The following ZBTB20 variants were observed in gnomAD, a reference collection of about 807,000 sequenced individuals.
ZBTB20 encodes the protein zinc finger and BTB domain-containing protein 20.
Under a neutral mutation model 56.9 loss-of-function variants are expected in ZBTB20, and 9 were observed. That is an observed-to-expected ratio of 0.16 (90% CI 0.10 to 0.28). ZBTB20 has a LOEUF of 0.28. Ranked by LOEUF, ZBTB20 falls within the 10% of genes least tolerant of loss-of-function variation. ZBTB20 has a pLI of 1.00. For missense variants in ZBTB20, 655 were observed against 1,003.0 expected, an observed-to-expected ratio of 0.65 and a Z score of 4.69; for synonymous variants, 417 against 420.7, an observed-to-expected ratio of 0.99 and a Z score of 0.11.
At chr3:115,129,250 T>C (rs1445692317) in intron 1 of ZBTB20, among the ~76,000 whole-genome samples, 2 of 152,086 alleles carry the variant, frequency 1.3e-5, no homozygotes, top group Non-Finnish European at 2.9e-5. Context: ...GAAAGAAAAT[T>C]TTAAAATGGA....
chr3:114,978,667 GGT>G (rs3086036), intron 2 of ZBTB20, among the ~76,000 whole-genome samples: 38 of 149,522 alleles, frequency 2.5e-4, no homozygotes, highest in African/African-American at 6.1e-4. Flanking sequence ...GTATGTACCA[GGT>G]GTGTGTGTGT....
rs997053411 is a variant in ZBTB20, at chr3:115,014,576, T to G, written c.-506-40160A>C. Among the ~76,000 whole-genome samples, 4 of 150,698 alleles carry G rather than the reference T, an allele frequency of 2.7e-5. 1 individual carries two copies. The Admixed American group carries it at 2.7e-4, about 10-fold the overall frequency. ...ACTAAGTATCCACAAAAATTAAAAA[T>G]AAAAATAATAAATAAATATTTTTAT... On this transcript the variant is annotated intron_variant, in intron 2 of 11. Coordinates refer to ENST00000675478, the MANE Select transcript of ZBTB20 (RefSeq NM_001348800.3).
intron 7 of ZBTB20, among the ~76,000 whole-genome samples, chr3:114,489,345 A>G (rs890941963): frequency 6.6e-6 from 1 of 152,192 alleles, no homozygotes; most frequent in African/African-American, 2.4e-5. Flanking sequence ...TTTGAGATGT[A>G]CATCATAGTT....
intron 10 of ZBTB20, among the ~76,000 whole-genome samples, chr3:114,362,134 T>G (rs1198431004): frequency 1.3e-5 from 2 of 152,166 alleles, no homozygotes; most frequent in African/African-American, 4.8e-5. Flanking sequence ...TTTAGAAAAA[T>G]ACGGGAATTT....
chr3:114,330,528 GA>G lies in ZBTB20; in HGVS notation c.*8476del, dbSNP rs1384945144. 1 of 152,008 alleles carries G rather than the reference GA, an allele frequency of 6.6e-6. No individual in the cohort carries two copies. The highest frequency in any genetic ancestry group is 1.9e-4 in the East Asian group (1 of 5,194). The allele number at this position is 152,008 out of a possible 1,614,324, so 9.4% of individuals were successfully genotyped here. A position where few individuals can be genotyped will look rare whatever the true frequency, so the allele number is the denominator to read the frequency against. ...AAGTCACTAGTACTGTTAATTAAAG[GA>G]AAAAATAAAACCGAAACAACTAATT... is the stretch of plus-strand genomic sequence containing the variant. On this transcript the variant is annotated 3_prime_UTR_variant, in exon 12 of 12. Coordinates refer to ENST00000675478, the MANE Select transcript of ZBTB20 (RefSeq NM_001348800.3).
chr3:114,794,000 C>T (rs2108816357), intron 5 of ZBTB20, among the ~76,000 whole-genome samples: 3 of 151,940 alleles, frequency 2.0e-5, no homozygotes, highest in Middle Eastern at 6.8e-3. Context: ...ACCTCTGTGA[C>T]CACACTAGCT....
chr3:114,696,286 T>G (rs1247503570), intron 5 of ZBTB20, among the ~76,000 whole-genome samples: 1 of 152,090 alleles, frequency 6.6e-6, no homozygotes, highest in Non-Finnish European at 1.5e-5. Context: ...TCTTATGGCT[T>G]TAATATCCAG....
At position 114,335,307 on chromosome 3, in the gene ZBTB20, C is replaced by T. The variant is rs1160716926; in HGVS notation, c.*3698G>A. On this transcript the variant is annotated 3_prime_UTR_variant, in exon 12 of 12. Transcript: ENST00000675478. The stretch of plus-strand genomic sequence containing the variant: ...GGCTACTAGAAAGAAATTTTTTTAG[C>T]ACTCATATCACCCTACCATGAAGGT... The T allele has an allele frequency of 6.6e-6, 1 of 152,040 alleles. No individual in the cohort carries two copies. Among genetic ancestry groups the T allele is most frequent in the African/African-American group, 2.4e-5 (1 of 41,400 alleles). 9.4% of individuals were successfully genotyped at this position (152,040 alleles called of 1,614,324 possible).
chr3:114,603,202 G>T (rs1008483930), intron 6 of ZBTB20, among the ~76,000 whole-genome samples: 1 of 151,856 alleles, frequency 6.6e-6, no homozygotes, highest in Admixed American at 6.6e-5. Context: ...AACTTAAAGG[G>T]GTGAACATGG....
chr3:114,646,606 C>G (rs1293233516), intron 6 of ZBTB20, among the ~76,000 whole-genome samples: 1 of 152,200 alleles, frequency 6.6e-6, no homozygotes, highest in Non-Finnish European at 1.5e-5. Flanking sequence ...GACTTTTCTA[C>G]TGTAAATGTA....
rs1286708058 is a variant in ZBTB20 at position 114,350,639 on chromosome 3, G to T, written c.1439C>A (p.Thr480Lys). The change falls in exon 11 of 12, where the codon ACA becomes AAA. Residue 480 changes from threonine (T) to lysine (K), a missense_variant. Thr to Lys is a moderately conservative substitution (Grantham distance 78). Coordinates refer to ENST00000675478, the MANE Select transcript of ZBTB20 (RefSeq NM_001348800.3). ...CCTCAGGTTGCTGGTGAGGGTTTCT[G>T]TCTGGCGTAAGTAGAGCTGGGTACT... ...LPSTQLYLRQ[T>K]ETLTSNLRMP... 6.2e-7 allele frequency: 1 copy of T among 1,614,234 alleles called. No individual in the cohort carries two copies. Among genetic ancestry groups the T allele is most frequent in the Non-Finnish European group, 8.5e-7 (1 of 1,180,040 alleles).
Position 114,320,870 on chromosome 3 carries a change from G to T in ZBTB20, c.*18135C>A, listed in dbSNP as rs1224582604. The T allele has an allele frequency of 6.6e-6, 1 of 152,044 alleles. No individual in the cohort carries two copies. The highest frequency in any genetic ancestry group is 1.9e-4 in the East Asian group (1 of 5,198). The allele number at this position is 152,044 out of a possible 1,614,324, so 9.4% of individuals were successfully genotyped here. A position where few individuals can be genotyped will look rare whatever the true frequency, so the allele number is the denominator to read the frequency against. On this transcript the variant is annotated 3_prime_UTR_variant, in exon 12 of 12. Transcript: ENST00000675478. ...AGGGCAACAGATTAAAATGAAAAGG[G>T]GTATAGAAAGATATATTTTAGATAA...
chr3:114,686,733 C>A (rs2062364376), intron 6 of ZBTB20, among the ~76,000 whole-genome samples: 1 of 152,032 alleles, frequency 6.6e-6, no homozygotes, highest in African/African-American at 2.4e-5. Flanking sequence ...CTCTTTATTC[C>A]CCCTGAAGGC....
chr3:114,366,563 T>C (rs1311702387), intron 10 of ZBTB20: 1 of 152,252 alleles, frequency 6.6e-6, no homozygotes, highest in Non-Finnish European at 1.5e-5. Context: ...CAGTAAGTTA[T>C]TATTTTAAAG....
intron 5 of ZBTB20, among the ~76,000 whole-genome samples, chr3:114,701,228 G>T (rs1319379567): frequency 1.3e-5 from 2 of 152,150 alleles, no homozygotes; most frequent in African/African-American, 2.4e-5. Context: ...TCCCACTTCT[G>T]TTTGTTAACT....
rs548394892 is a variant in ZBTB20 at position 115,036,721 on chromosome 3, A to AT, written c.-507+34497dup. Among the ~76,000 whole-genome samples the AT allele has an allele frequency of 3.6e-3, 545 of 152,120 alleles. 3 individuals are homozygous for AT. Among genetic ancestry groups the AT allele is most frequent in the African/African-American group, 0.012 (514 of 41,500 alleles). ...CACCGCAGCGCCCGGCCACTTTGTG[A>AT]TTTTTTAAATGTGACCTGCCCCACC... On this transcript the variant is annotated intron_variant, in intron 2 of 11. Coordinates refer to ENST00000675478, the MANE Select transcript of ZBTB20 (RefSeq NM_001348800.3).
intron 4 of ZBTB20, among the ~76,000 whole-genome samples, chr3:114,890,704 C>A (rs1333584197): frequency 6.6e-6 from 1 of 151,998 alleles, no homozygotes; most frequent in East Asian, 1.9e-4. Flanking sequence ...ACATATGTAA[C>A]AAACCTGCAC....
intron 5 of ZBTB20, among the ~76,000 whole-genome samples, chr3:114,711,279 A>G (rs972154422): frequency 2.6e-5 from 4 of 152,166 alleles, no homozygotes; most frequent in African/African-American, 9.7e-5. Context: ...ATTTCTCACT[A>G]TATTCCCAGT....
chr3:114,624,714 G>A (rs752677677), intron 6 of ZBTB20, among the ~76,000 whole-genome samples: 3 of 152,134 alleles, frequency 2.0e-5, no homozygotes, highest in East Asian at 1.9e-4. Context: ...TTCAGGGAAG[G>A]GGGGAAGGGT....
Sources: gnomAD v4.1 joint callset for allele counts (sites outside exome capture counted in the v4.1 genomes callset) on GRCh38, gnomAD v4.1.1 for gene constraint, MANE v1.5 for transcripts, NCBI Gene and HGNC (gene_info 2026-07-23, HGNC 2026-07-21) for gene names.